The following MMP28 variants were observed in gnomAD, a reference collection of about 807,000 sequenced individuals.
MMP28 encodes matrix metalloproteinase-28.
MMP28 carries 55 observed loss-of-function variants against 60.5 expected under a neutral mutation model. That is an observed-to-expected ratio of 0.91 (90% CI 0.73 to 1.14). The LOEUF (loss-of-function observed/expected upper bound fraction) is 1.14. Among genes scored for constraint, MMP28 ranks in the 50% most tolerant of loss-of-function variants. The pLI, the probability that MMP28 is intolerant of heterozygous loss-of-function variation, is 0.00. For synonymous variants in MMP28, 318 were observed against 312.5 expected (o/e 1.02, Z -0.18); for missense variants, 686 against 738.3 (o/e 0.93, Z 0.82).
intron 1 of MMP28, among the ~76,000 whole-genome samples, chr17:35,783,070 C>T (rs1349347118): frequency 6.6e-6 from 1 of 152,216 alleles, no homozygotes; most frequent in Non-Finnish European, 1.5e-5. Flanking sequence ...TTGTGATCCC[C>T]CCGCCTCAGC....
chr17:35,762,382 G>C (rs1330149284), downstream of MMP28, among the ~76,000 whole-genome samples: 2 of 152,170 alleles, frequency 1.3e-5, no homozygotes, highest in Non-Finnish European at 2.9e-5. Flanking sequence ...TAGCTATCCA[G>C]ATGTGACAGA....
rs587687039 is a variant in MMP28, at chr17:35,758,698, TAAATAAAATA to T, written c.266-2289_266-2280del. ...CAAAGCAAGACTCTATCTCAAAAAA[TAAATAAAATA>T]AAATAAAATAAAATAATAAAATAAA... On this transcript the variant is annotated intron_variant, in intron 2 of 2. Coordinates refer to the MMP28 transcript ENST00000615317. Among the ~76,000 whole-genome samples the T allele has an allele frequency of 4.0e-3, 608 of 151,930 alleles. 1 individual carries two copies. The highest frequency in any genetic ancestry group is 0.013 in the African/African-American group (557 of 41,436).
intron 3 of MMP28, among the ~76,000 whole-genome samples, chr17:35,776,121 G>T (rs546002662): frequency 1.3e-4 from 20 of 151,454 alleles, no homozygotes; most frequent in Non-Finnish European, 2.4e-4. Context: ...TGATCTGCCC[G>T]CCTCGTCCTC....
At chr17:35,780,887 A>G (rs2086479440) in intron 1 of MMP28, among the ~76,000 whole-genome samples, 1 of 152,152 alleles carries the variant, frequency 6.6e-6, no homozygotes, top group East Asian at 1.9e-4. Context: ...TACTATGAAG[A>G]AAAGAAACCA....
At chr17:35,786,836 G>T (rs1292831980) in intron 1 of MMP28, among the ~76,000 whole-genome samples, 1 of 151,916 alleles carries the variant, frequency 6.6e-6, no homozygotes, top group Non-Finnish European at 1.5e-5. Flanking sequence ...CACCTTCTTT[G>T]AATCTCACAA....
intron 3 of MMP28, among the ~76,000 whole-genome samples, chr17:35,775,681 A>G (rs900919657): frequency 6.6e-6 from 1 of 152,178 alleles, no homozygotes; most frequent in African/African-American, 2.4e-5. Flanking sequence ...GTAAGATGTG[A>G]GGCTTAAATG....
downstream of MMP28, chr17:35,764,292 C>A (rs1478916624): frequency 3.3e-6 from 5 of 1,513,998 alleles, no homozygotes; most frequent in Non-Finnish European, 4.4e-6. Context: ...GGCCCCTTAG[C>A]GCTGCTGGGC....
At chr17:35,782,410 A>G (rs927711286) in intron 1 of MMP28, among the ~76,000 whole-genome samples, 1 of 152,178 alleles carries the variant, frequency 6.6e-6, no homozygotes, top group Non-Finnish European at 1.5e-5. Flanking sequence ...TGTCTCAAGG[A>G]AAATGCACAA....
chr17:35,767,856 TTGCCATCAGC>T lies in MMP28; in HGVS notation c.1054_1063del (p.Ala352ThrfsTer26), dbSNP rs1253354927. The T allele has an allele frequency of 4.3e-6, 7 of 1,610,606 alleles. No homozygotes were observed. Among genetic ancestry groups the T allele is most frequent in the Non-Finnish European group, 5.1e-6 (6 of 1,178,796 alleles). ...CTGCAGTGGACGGGGCTCTGAGACGTTGCCATCAGCTGCCACCTCCCAGAAATGGCTCCCT... is the reference window on the plus strand; with the variant it reads ...CTGCAGTGGACGGGGCTCTGAGACGTTGCCACCTCCCAGAAATGGCTCCCT... On this transcript the variant is annotated frameshift_variant, in exon 7 of 8. Transcript: ENST00000605424. LOFTEE classifies it high-confidence loss of function.
At chr17:35,764,016 C>A (rs1555602064), downstream of MMP28, 5 of 1,543,184 alleles carry the variant, frequency 3.2e-6, no homozygotes, top group South Asian at 4.8e-5. Context: ...GGTGTGAAGA[C>A]CCCCTTGTGG....
chr17:35,760,280 AG>A lies in MMP28; in HGVS notation c.266-3862del, dbSNP rs782077764. Among the ~76,000 whole-genome samples, 3 of 152,206 alleles carry A rather than the reference AG, an allele frequency of 2.0e-5. No homozygotes were observed. In the South Asian group the frequency reaches 6.2e-4, roughly 31 times the overall value. On this transcript the variant is annotated intron_variant, in intron 2 of 2. Coordinates refer to the MMP28 transcript ENST00000615317. ...CTCCACTTCGAGTCCAGGAAAGGAA[AG>A]GATTTTCCTGAAGCTCCTTGATTTT...
rs1555603303 is a variant in MMP28, at chr17:35,766,610, A to G, written c.1453T>C (p.Tyr485His). 6.2e-7 allele frequency: 1 copy of G among 1,612,718 alleles called. No individual in the cohort carries two copies. The highest frequency in any genetic ancestry group is 8.5e-7 in the Non-Finnish European group (1 of 1,179,770). Residue 485 changes from tyrosine to histidine, a missense_variant, in exon 8 of 8, where the codon TAC becomes CAC. Transcript: ENST00000605424. This position sits in a 1 kb window ranked among gnomAD's most constrained non-coding sequence, Gnocchi z 4.3. ...GSIIFFRDDRYWRLDQAKLQA... is the reference protein window; with the variant it reads ...GSIIFFRDDRHWRLDQAKLQA... Reference sequence around the variant, plus strand: ...AGTTTGGCCTGGTCGAGGCGCCAGTAGCGGTCATCTCGGAAGAAGATGATG... The same window carrying G: ...AGTTTGGCCTGGTCGAGGCGCCAGTGGCGGTCATCTCGGAAGAAGATGATG...
intron 5 of MMP28, among the ~76,000 whole-genome samples, 193 bp downstream of exon 5, chr17:35,769,873 CG>C (rs2086066327): frequency 6.6e-6 from 1 of 151,726 alleles, no homozygotes; most frequent in Non-Finnish European, 1.5e-5. Context: ...GCCATGGACT[CG>C]GGGGAGCAAG....
At chr17:35,773,758 T>TG (rs2086243236) in intron 3 of MMP28, among the ~76,000 whole-genome samples, 1 of 152,222 alleles carries the variant, frequency 6.6e-6, no homozygotes, top group South Asian at 2.1e-4. Flanking sequence ...CCCCACAGCC[T>TG]GGGCTGAGTC....
At chr17:35,764,391 GC>G, downstream of MMP28, 1 of 1,487,234 alleles carries the variant, frequency 6.7e-7, no homozygotes. Flanking sequence ...AGGAGGGGCT[GC>G]CCCAGGCACT....
At chr17:35,774,549 C>T (rs901188577) in intron 3 of MMP28, among the ~76,000 whole-genome samples, 5 of 152,236 alleles carry the variant, frequency 3.3e-5, no homozygotes, top group Admixed American at 2.0e-4. Context: ...TCATTCCTGC[C>T]GGTCAAAGCA....
At position 35,766,033 on chromosome 17, in the gene MMP28, G is replaced by T. The variant is rs1158041568; in HGVS notation, c.*467C>A. ...GCCTTCATCCCCATCCATGCTTCCT[G>T]GGGGTGGGGCCTCTGACTAAATATG... is the stretch of plus-strand genomic sequence containing the variant. On this transcript the variant is annotated 3_prime_UTR_variant, in exon 8 of 8. Coordinates refer to ENST00000605424, the MANE Select transcript of MMP28 (RefSeq NM_024302.5). The surrounding 1 kb of genome is among the most constrained non-coding windows in gnomAD (Gnocchi z 4.3). 1.0e-6 allele frequency: 1 copy of T among 985,418 alleles called. No homozygotes were observed. The highest frequency in any genetic ancestry group is 1.7e-5 in the African/African-American group (1 of 57,356). The allele number at this position is 985,418 out of a possible 1,614,324, so 61.0% of individuals were successfully genotyped here.
At chr17:35,764,441 G>T, downstream of MMP28, 1 of 1,549,634 alleles carries the variant, frequency 6.5e-7, no homozygotes, top group East Asian at 2.5e-5. Context: ...GGAGCCTCCC[G>T]GAGGAGCCGT....
downstream of MMP28, among the ~76,000 whole-genome samples, chr17:35,763,701 A>AGCCCG (rs2085870951): frequency 6.6e-6 from 1 of 151,864 alleles, no homozygotes; most frequent in South Asian, 2.1e-4. Flanking sequence ...GTTTGAGACC[A>AGCCCG]GCCCGGCCAA....
Sources: allele counts gnomAD v4.1 joint callset (sites outside exome capture counted in the v4.1 genomes callset), GRCh38; gene constraint gnomAD v4.1.1; non-coding constraint Gnocchi (gnomAD v3.1); transcripts MANE v1.5; gene names NCBI Gene and HGNC (gene_info 2026-07-23, HGNC 2026-07-21).